The following MTHFD2L variants were observed in gnomAD, a reference collection of about 807,000 sequenced individuals.
MTHFD2L encodes the protein bifunctional methylenetetrahydrofolate dehydrogenase/cyclohydrolase 2, mitochondrial.
MTHFD2L carries 29 observed loss-of-function variants against 34.9 expected under a neutral mutation model. The observed-to-expected ratio is 0.83, with a 90% CI of 0.62 to 1.13. The LOEUF (loss-of-function observed/expected upper bound fraction) is 1.13. MTHFD2L is among the 50% of genes most tolerant of loss of function. The probability of loss-of-function intolerance (pLI) is 0.00; values close to 1 mark genes in which losing one functional copy is unlikely to be tolerated. For missense variants in MTHFD2L, 481 were observed against 446.5 expected (o/e 1.08, Z -0.70); for synonymous variants, 167 against 155.7 (o/e 1.07, Z -0.54).
At chr4:74,199,147 G>A (rs1370467252) in intron 3 of MTHFD2L, among the ~76,000 whole-genome samples, 1 of 152,044 alleles carries the variant, frequency 6.6e-6, no homozygotes, top group Non-Finnish European at 1.5e-5. Context: ...TTTAAAAAAT[G>A]AGATGATTGG....
chr4:74,132,063 TG>T (rs1178319076), intron 1 of MTHFD2L, among the ~76,000 whole-genome samples: 1 of 152,124 alleles, frequency 6.6e-6, no homozygotes, highest in Non-Finnish European at 1.5e-5. Flanking sequence ...CTAGTTAGAA[TG>T]GCAATCATTA....
At chr4:74,214,403 G>A (rs111831702) in intron 5 of MTHFD2L, among the ~76,000 whole-genome samples, 6,900 of 151,716 alleles carry the variant, frequency 0.045, 224 homozygotes, top group Non-Finnish European at 0.067. Flanking sequence ...TTGTGTGGAC[G>A]TCCTGTTTGT....
chr4:74,250,867 G>A (rs1361239896), intron 6 of MTHFD2L, among the ~76,000 whole-genome samples: 1 of 152,110 alleles, frequency 6.6e-6, no homozygotes, highest in African/African-American at 2.4e-5. Flanking sequence ...TCTCCCAACT[G>A]CGCACTCCAT....
chr4:74,168,340 A>G (rs1436257374), intron 1 of MTHFD2L, among the ~76,000 whole-genome samples: 1 of 152,146 alleles, frequency 6.6e-6, no homozygotes, highest in Non-Finnish European at 1.5e-5. Context: ...AAAGGCCTCC[A>G]TACTTGTTCT....
rs1359657148 is a variant in MTHFD2L at position 74,302,720 on chromosome 4, G to A, written c.*911G>A. The A allele has an allele frequency of 6.6e-6, 1 of 152,094 alleles. No homozygotes were observed. Among genetic ancestry groups the A allele is most frequent in the Non-Finnish European group, 1.5e-5 (1 of 67,984 alleles). The allele number at this position is 152,094 out of a possible 1,614,324, so 9.4% of individuals were successfully genotyped here. Reference sequence around the variant, plus strand: ...CTGTTAATGTTTGTTCACAAATTCAGAAATCTAATAGGAAAACATGATACT... The same window carrying A: ...CTGTTAATGTTTGTTCACAAATTCAAAAATCTAATAGGAAAACATGATACT... On this transcript the variant is annotated 3_prime_UTR_variant, in exon 8 of 8. Transcript: ENST00000325278.
intron 6 of MTHFD2L, among the ~76,000 whole-genome samples, chr4:74,236,984 C>A (rs190314704): frequency 1.3e-5 from 2 of 152,112 alleles, no homozygotes; most frequent in Non-Finnish European, 2.9e-5. Context: ...TTTAATAACA[C>A]CCATATCAGG....
intron 3 of MTHFD2L, among the ~76,000 whole-genome samples, chr4:74,179,550 C>A (rs952209813): frequency 6.6e-6 from 1 of 151,994 alleles, no homozygotes; most frequent in Non-Finnish European, 1.5e-5. Context: ...TGGGTATATA[C>A]AGTCTGAATT....
At chr4:74,281,972 C>T (rs988014572) in intron 7 of MTHFD2L, among the ~76,000 whole-genome samples, 1 of 152,084 alleles carries the variant, frequency 6.6e-6, no homozygotes, top group Non-Finnish European at 1.5e-5. Flanking sequence ...GGTGTGTCTG[C>T]CAACCCTAAC....
intron 1 of MTHFD2L, among the ~76,000 whole-genome samples, chr4:74,150,481 C>T (rs576756850): frequency 3.3e-5 from 5 of 152,112 alleles, no homozygotes; most frequent in Non-Finnish European, 7.4e-5. Context: ...CTCAAACTGC[C>T]GACCTCGGGT....
intron 1 of MTHFD2L, among the ~76,000 whole-genome samples, chr4:74,142,882 A>G (rs975984393): frequency 2.0e-5 from 3 of 152,212 alleles, no homozygotes; most frequent in Non-Finnish European, 4.4e-5. Context: ...GATTCTTGGT[A>G]CACTCTGCCA....
chr4:74,157,562 G>T (rs1434733736), upstream of MTHFD2L: 1 of 413,188 alleles, frequency 2.4e-6, no homozygotes, highest in Non-Finnish European at 4.8e-6. Context: ...CAAAAGTGGA[G>T]ATGATAAAGT....
intron 6 of MTHFD2L, chr4:74,267,905 A>G: frequency 1.0e-6 from 1 of 985,302 alleles, no homozygotes; most frequent in Non-Finnish European, 1.2e-6. Context: ...CACAGAGCAG[A>G]GCCCTACTGG....
chr4:74,196,435 A>T (rs1733476043), intron 3 of MTHFD2L, among the ~76,000 whole-genome samples: 1 of 152,150 alleles, frequency 6.6e-6, no homozygotes, highest in African/African-American at 2.4e-5. Flanking sequence ...GAACACACAG[A>T]GAAGAGACTA....
At chr4:74,214,739 G>C (rs1200823831) in intron 5 of MTHFD2L, among the ~76,000 whole-genome samples, 1 of 151,830 alleles carries the variant, frequency 6.6e-6, no homozygotes, top group African/African-American at 2.4e-5. Flanking sequence ...CGAATGCTGT[G>C]CTGGGAGATC....
chr4:74,120,549 G>T (rs1219608521), upstream of MTHFD2L, among the ~76,000 whole-genome samples: 1 of 152,110 alleles, frequency 6.6e-6, no homozygotes, highest in East Asian at 1.9e-4. Flanking sequence ...TCACTACTTG[G>T]GTCAATGAGG....
chr4:74,277,595 T>C (rs1368685917), intron 6 of MTHFD2L, among the ~76,000 whole-genome samples: 1 of 152,088 alleles, frequency 6.6e-6, no homozygotes, highest in South Asian at 2.1e-4. Flanking sequence ...TAATAAGGAA[T>C]AAGGACAATA....
chr4:74,281,326 T>G, intron 6 of MTHFD2L, 99 bp from the exon 7 acceptor site: 1 of 419,162 alleles, frequency 2.4e-6, no homozygotes, highest in Non-Finnish European at 3.9e-6. Flanking sequence ...TACACATACG[T>G]GTGTGTGTGT....
chr4:74,196,015 G>A (rs189792364), intron 3 of MTHFD2L, among the ~76,000 whole-genome samples: 75 of 152,138 alleles, frequency 4.9e-4, no homozygotes, highest in Middle Eastern at 3.4e-3. Flanking sequence ...GTGATTTTGG[G>A]GGCCCAAGAT....
chr4:74,120,216 A>G (rs933795066), upstream of MTHFD2L, among the ~76,000 whole-genome samples: 3 of 152,220 alleles, frequency 2.0e-5, no homozygotes, highest in African/African-American at 7.2e-5. Flanking sequence ...TCATTTGGCT[A>G]GCACATAACT....
Sources: gnomAD v4.1 joint callset for allele counts (sites outside exome capture counted in the v4.1 genomes callset) on GRCh38, gnomAD v4.1.1 for gene constraint, MANE v1.5 for transcripts, NCBI Gene and HGNC (gene_info 2026-07-23, HGNC 2026-07-21) for gene names.